EIF3H: variants seen among roughly 807,000 people sequenced by gnomAD.
EIF3H encodes the protein eIF-3-gamma.
EIF3H carries 26 observed loss-of-function variants against 44.2 expected under a neutral mutation model. The observed-to-expected ratio is 0.59, with a 90% CI of 0.43 to 0.82. EIF3H has a LOEUF of 0.82. EIF3H is among the 40% of genes least tolerant of loss of function. The pLI is 0.00. For missense variants in EIF3H, 359 were observed against 432.8 expected, an observed-to-expected ratio of 0.83 and a Z score of 1.51; for synonymous variants, 166 against 151.9, an observed-to-expected ratio of 1.09 and a Z score of -0.68.
At chr8:116,713,466 T>C (rs1440684926) in intron 2 of EIF3H, among the ~76,000 whole-genome samples, 3 of 152,122 alleles carry the variant, frequency 2.0e-5, no homozygotes, top group South Asian at 2.1e-4. Context: ...AAGAACTAAA[T>C]TGTAAAACAT....
In EIF3H at chr8:116,726,000, T is replaced by C. The variant is rs917734620; in HGVS notation, c.289+16A>G. ...TGTATGCACTGCAAAGACACACTTG[T>C]GATGAACACCCTTACCTTCATCAAA... On this transcript the variant is annotated intron_variant, in intron 2 of 7. Transcript: ENST00000521861. 23 of 1,610,234 alleles carry C rather than the reference T, an allele frequency of 1.4e-5. No individual in the cohort carries two copies. Among genetic ancestry groups the C allele is most frequent in the Non-Finnish European group, 2.0e-5 (23 of 1,177,974 alleles).
intron 2 of EIF3H, among the ~76,000 whole-genome samples, chr8:116,711,667 T>G (rs1464135498): frequency 6.6e-6 from 1 of 152,222 alleles, no homozygotes; most frequent in East Asian, 1.9e-4. Context: ...TCAGAATGAC[T>G]TTGAATTACA....
intron 2 of EIF3H, among the ~76,000 whole-genome samples, chr8:116,725,354 A>T (rs1244757780): frequency 6.6e-6 from 1 of 152,228 alleles, no homozygotes; most frequent in African/African-American, 2.4e-5. Flanking sequence ...CCTACTGCAC[A>T]ATATGCATAC....
At chr8:116,729,133 C>A (rs1198813480) in intron 1 of EIF3H, among the ~76,000 whole-genome samples, 1 of 152,122 alleles carries the variant, frequency 6.6e-6, no homozygotes, top group East Asian at 1.9e-4. Flanking sequence ...CTTACCCCTA[C>A]TAATGAGATT....
chr8:116,699,271 A>G (rs1252872424), intron 2 of EIF3H, among the ~76,000 whole-genome samples: 1 of 152,224 alleles, frequency 6.6e-6, no homozygotes, highest in Non-Finnish European at 1.5e-5. Context: ...AAAAATACTG[A>G]TATCATGACA....
At chr8:116,687,725 A>C (rs183112111) in intron 2 of EIF3H, among the ~76,000 whole-genome samples, 1 of 152,292 alleles carries the variant, frequency 6.6e-6, no homozygotes, top group Admixed American at 6.5e-5. Flanking sequence ...TAAAGAAAAA[A>C]AATCTCTAAC....
chr8:116,711,539 T>C (rs895820042), intron 2 of EIF3H, among the ~76,000 whole-genome samples: 1 of 152,154 alleles, frequency 6.6e-6, no homozygotes, highest in Non-Finnish European at 1.5e-5. Flanking sequence ...TATTGGGAGT[T>C]GCTACCAAAT....
chr8:116,659,612 C>T (rs962378458), intron 2 of EIF3H, among the ~76,000 whole-genome samples: 4 of 152,062 alleles, frequency 2.6e-5, no homozygotes, highest in Non-Finnish European at 2.9e-5. Flanking sequence ...GTAACAGATA[C>T]TATGTTTTCC....
At chr8:116,731,094 C>T (rs571316048) in intron 1 of EIF3H, among the ~76,000 whole-genome samples, 1 of 152,238 alleles carries the variant, frequency 6.6e-6, no homozygotes, top group East Asian at 1.9e-4. Context: ...AACCATTCTT[C>T]AAAACAAAAA....
rs1263298230 is a variant in EIF3H at position 116,694,418 on chromosome 8, C to T, written c.289+31598G>A. Among the ~76,000 whole-genome samples the T allele has an allele frequency of 2.0e-5, 3 of 152,320 alleles. No individual in the cohort carries two copies. The East Asian group carries it at 5.8e-4, about 29-fold the overall frequency. On this transcript the variant is annotated intron_variant, in intron 2 of 7. Coordinates refer to ENST00000521861, the MANE Select transcript of EIF3H (RefSeq NM_003756.3). ...TATCTTTTCTTGTGAACTGTCTAAACCATCTTTGGCCTGCTGTGGCCACTG... is the reference window on the plus strand; with the variant it reads ...TATCTTTTCTTGTGAACTGTCTAAATCATCTTTGGCCTGCTGTGGCCACTG...
At chr8:116,759,897 A>G (rs1000449125), upstream of EIF3H, among the ~76,000 whole-genome samples, 1 of 151,978 alleles carries the variant, frequency 6.6e-6, no homozygotes, top group Non-Finnish European at 1.5e-5. Flanking sequence ...CACTTGAATA[A>G]TTTTTGTACT....
chr8:116,649,175 T>C lies in EIF3H; in HGVS notation c.708-249A>G, dbSNP rs1451734326. Among the ~76,000 whole-genome samples, 3 of 152,340 alleles carry C rather than the reference T, an allele frequency of 2.0e-5. No homozygotes were observed. In the East Asian group the frequency reaches 5.8e-4, roughly 29 times the overall value. ...GTTTCTTATTGTGAGAGCACAGGTA[T>C]GTTAGGGTAGGAACTGTTAAACATA... is the stretch of plus-strand genomic sequence containing the variant. On this transcript the variant is annotated intron_variant, in intron 5 of 7. Coordinates refer to ENST00000521861, the MANE Select transcript of EIF3H (RefSeq NM_003756.3).
intron 2 of EIF3H, among the ~76,000 whole-genome samples, chr8:116,681,858 A>C (rs1048965789): frequency 1.3e-5 from 2 of 152,180 alleles, no homozygotes; most frequent in African/African-American, 4.8e-5. Flanking sequence ...CAGAGAGTAC[A>C]TTCTGTTCTC....
intron 2 of EIF3H, among the ~76,000 whole-genome samples, chr8:116,663,169 C>A (rs923887800): frequency 6.6e-6 from 1 of 151,870 alleles, no homozygotes; most frequent in African/African-American, 2.4e-5. Context: ...ATTTCACTCT[C>A]GAGAAATAAG....
upstream of EIF3H, among the ~76,000 whole-genome samples, chr8:116,758,554 T>C (rs1289753225): frequency 6.6e-6 from 1 of 152,176 alleles, no homozygotes; most frequent in Non-Finnish European, 1.5e-5. Context: ...TACACACTTT[T>C]TTGAAGTGTC....
chr8:116,718,269 A>T (rs1420151724), intron 2 of EIF3H, among the ~76,000 whole-genome samples: 1 of 152,170 alleles, frequency 6.6e-6, no homozygotes, highest in African/African-American at 2.4e-5. Context: ...TTTTGGTGGG[A>T]ATGTAAACTA....
chr8:116,675,640 AAC>A (rs765546261), intron 2 of EIF3H, among the ~76,000 whole-genome samples: 4 of 152,222 alleles, frequency 2.6e-5, no homozygotes, highest in Non-Finnish European at 4.4e-5. Flanking sequence ...AGTCAAATAA[AAC>A]AGTGCTATGT....
At chr8:116,743,134 G>C (rs756027272) in intron 1 of EIF3H, among the ~76,000 whole-genome samples, 1 of 152,088 alleles carries the variant, frequency 6.6e-6, no homozygotes, top group Non-Finnish European at 1.5e-5. Flanking sequence ...ACAAGCCCTC[G>C]TTTGGAGGAT....
At chr8:116,647,497 A>C (rs1813324370) in intron 6 of EIF3H, among the ~76,000 whole-genome samples, 1 of 152,250 alleles carries the variant, frequency 6.6e-6, no homozygotes, top group African/African-American at 2.4e-5. Flanking sequence ...AATACTTTCA[A>C]ACTCTGGATT....
Sources: allele counts gnomAD v4.1 joint callset (sites outside exome capture counted in the v4.1 genomes callset), GRCh38; gene constraint gnomAD v4.1.1; transcripts MANE v1.5; gene names NCBI Gene and HGNC (gene_info 2026-07-23, HGNC 2026-07-21).